The following TCF4 variants were observed in gnomAD, a reference collection of about 807,000 sequenced individuals.
The protein encoded by TCF4 is transcription factor 4.
Under a neutral mutation model 82.1 loss-of-function variants are expected in TCF4, and 3 were observed. That is an observed-to-expected ratio of 0.04 (90% confidence interval 0.02 to 0.09). The LOEUF is 0.09. TCF4 is among the 10% of genes least tolerant of loss of function. The pLI is 1.00. For synonymous variants in TCF4, 276 were observed against 309.6 expected (o/e 0.89, Z 1.14); for missense variants, 518 against 852.7 (o/e 0.61, Z 4.89).
Position 55,254,526 on chromosome 18 carries a change from G to C in TCF4, c.1321C>G (p.Leu441Val). Residue 441 changes from leucine (L) to valine (V), a missense_variant, in exon 15 of 20, where the codon CTT (leucine) becomes GTT (valine). This residue lies in a region of TCF4 where 144 missense variants were observed against 190.2 expected (regional missense o/e 0.76). Transcript: ENST00000354452. ...AGTGAATGTCTGTTGGCTGAAAGAA[G>C]GCCGGTTCCATACCCTGAGCCCAGA... is the stretch of plus-strand genomic sequence containing the variant. ...GGLGSGYGTGLLSANRHSLMV... is the reference protein window; with the variant it reads ...GGLGSGYGTGVLSANRHSLMV... The C allele has an allele frequency of 6.2e-7, 1 of 1,613,680 alleles. No homozygotes were observed. The highest frequency in any genetic ancestry group is 8.5e-7 in the Non-Finnish European group (1 of 1,179,798).
chr18:55,610,796 G>A lies in TCF4; in HGVS notation c.286+20502C>T, dbSNP rs572384021. On this transcript the variant is annotated intron_variant, in intron 2 of 20. Coordinates refer to the TCF4 transcript ENST00000398339. ...CTTGGCTCTGCCTTTTGTGACATTTGTTTTGCTTTGCAATTTCAACAGCAT... is the reference window on the plus strand; with the variant it reads ...CTTGGCTCTGCCTTTTGTGACATTTATTTTGCTTTGCAATTTCAACAGCAT... 9.9e-5 allele frequency among the ~76,000 whole-genome samples: 15 copies of A among 152,248 alleles called. No homozygotes were observed. In the South Asian group the frequency reaches 2.3e-3, roughly 23 times the overall value.
chr18:55,260,895 T>C (rs907596069), intron 12 of TCF4, among the ~76,000 whole-genome samples: 6 of 152,116 alleles, frequency 3.9e-5, no homozygotes, highest in Non-Finnish European at 7.4e-5. Context: ...TGTTTAGCTT[T>C]TGACTAAAAT....
intron 8 of TCF4, among the ~76,000 whole-genome samples, chr18:55,305,161 C>T (rs943988772): frequency 3.3e-5 from 5 of 152,130 alleles, no homozygotes; most frequent in Non-Finnish European, 7.3e-5. Flanking sequence ...ATGGAATTGT[C>T]GTCTTCCTCC....
chr18:55,523,705 G>T (rs1435464757), intron 3 of TCF4, among the ~76,000 whole-genome samples: 1 of 139,870 alleles, frequency 7.1e-6, no homozygotes, highest in Non-Finnish European at 1.5e-5. Flanking sequence ...CAATACAATC[G>T]ACTGTTACAG....
At chr18:55,309,878 T>C (rs1324189373) in intron 8 of TCF4, among the ~76,000 whole-genome samples, 2 of 152,186 alleles carry the variant, frequency 1.3e-5, no homozygotes, top group Admixed American at 1.3e-4. Flanking sequence ...CAATACTCCC[T>C]CAAATAGTTT....
At chr18:55,332,713 T>C (rs2077825128) in intron 8 of TCF4, among the ~76,000 whole-genome samples, 1 of 152,204 alleles carries the variant, frequency 6.6e-6, no homozygotes, top group African/African-American at 2.4e-5. Flanking sequence ...GCTATAAATA[T>C]TTGTGAATTT....
chr18:55,479,805 A>G (rs778917782), intron 3 of TCF4, among the ~76,000 whole-genome samples: 1 of 152,168 alleles, frequency 6.6e-6, no homozygotes, highest in Non-Finnish European at 1.5e-5. Context: ...TGTTCCAGCA[A>G]TTAGCATACC....
intron 15 of TCF4, among the ~76,000 whole-genome samples, chr18:55,249,862 G>A (rs2054484057): frequency 6.6e-6 from 1 of 152,102 alleles, no homozygotes; most frequent in Non-Finnish European, 1.5e-5. Flanking sequence ...TTTGTTCTTA[G>A]TCAGTTAAAA....
At chr18:55,519,726 C>T (rs764590987) in intron 3 of TCF4, among the ~76,000 whole-genome samples, 1 of 152,116 alleles carries the variant, frequency 6.6e-6, no homozygotes, top group Non-Finnish European at 1.5e-5. Flanking sequence ...CCTGCATTTC[C>T]CTGCTTAGCA....
intron 15 of TCF4, among the ~76,000 whole-genome samples, chr18:55,245,806 A>G (rs940104210): frequency 4.6e-5 from 7 of 152,162 alleles, no homozygotes; most frequent in African/African-American, 1.7e-4. Flanking sequence ...AGGTCATTTC[A>G]TAATTCTACC....
At chr18:55,287,945 G>GA (rs143674984) in intron 8 of TCF4, among the ~76,000 whole-genome samples, 4 of 151,478 alleles carry the variant, frequency 2.6e-5, no homozygotes, top group Non-Finnish European at 5.9e-5. Context: ...TTACAAGGGG[G>GA]AAAAAAAACC....
At position 55,588,162 on chromosome 18, in the gene TCF4, G is replaced by A; in HGVS notation, c.-145C>T. On this transcript the variant is annotated 5_prime_UTR_variant, in exon 1 of 20. Coordinates refer to ENST00000354452, the MANE Select transcript of TCF4 (RefSeq NM_001083962.2). ...CTCCCGCGCCTGCTGCCTCCCCGCCGCCGCCGCCGCCGCCGCCACTACAGA... is the reference window on the plus strand; with the variant it reads ...CTCCCGCGCCTGCTGCCTCCCCGCCACCGCCGCCGCCGCCGCCACTACAGA... 1.8e-6 allele frequency: 2 copies of A among 1,092,684 alleles called. No individual in the cohort carries two copies. The highest frequency in any genetic ancestry group is 2.2e-6 in the Non-Finnish European group (2 of 905,350). 67.7% of individuals were successfully genotyped at this position (1,092,684 alleles called of 1,614,324 possible). A position where few individuals can be genotyped will look rare whatever the true frequency, so the allele number is the denominator to read the frequency against.
At chr18:55,419,341 A>C (rs1438006564) in intron 5 of TCF4, among the ~76,000 whole-genome samples, 1 of 152,220 alleles carries the variant, frequency 6.6e-6, no homozygotes, top group African/African-American at 2.4e-5. Flanking sequence ...TTTACCAACA[A>C]AAAATCTACA....
intron 8 of TCF4, among the ~76,000 whole-genome samples, chr18:55,288,170 G>C (rs936804398): frequency 2.6e-5 from 4 of 152,140 alleles, no homozygotes; most frequent in African/African-American, 7.2e-5. Context: ...TAGAACATTT[G>C]AGATTTAAGC....
chr18:55,529,567 G>T (rs1255820989), intron 3 of TCF4, among the ~76,000 whole-genome samples: 1 of 152,126 alleles, frequency 6.6e-6, no homozygotes, highest in African/African-American at 2.4e-5. Flanking sequence ...AAATAAAAAG[G>T]AATGATACAG....
chr18:55,291,197 AT>A (rs1429351139), intron 8 of TCF4, among the ~76,000 whole-genome samples: 1 of 152,150 alleles, frequency 6.6e-6, no homozygotes, highest in African/African-American at 2.4e-5. Flanking sequence ...AGGTCTTTTC[AT>A]TTGAAATCCT....
At chr18:55,630,711 A>G (rs2097730748) in intron 2 of TCF4, among the ~76,000 whole-genome samples, 1 of 152,202 alleles carries the variant, frequency 6.6e-6, no homozygotes, top group Non-Finnish European at 1.5e-5. Context: ...AGGCTTTACC[A>G]AATAATCCAT....
chr18:55,517,492 T>C (rs73960131), intron 3 of TCF4, among the ~76,000 whole-genome samples: 4,596 of 152,224 alleles, frequency 0.03, 259 homozygotes, highest in African/African-American at 0.11. Flanking sequence ...ACATACAGAT[T>C]TGTGTGCCAA....
intron 3 of TCF4, among the ~76,000 whole-genome samples, chr18:55,511,500 C>T (rs2096828951): frequency 6.6e-6 from 1 of 152,006 alleles, no homozygotes; most frequent in Admixed American, 6.6e-5. Flanking sequence ...GCAAAAATGG[C>T]AACTTTTATT....
Sources: gnomAD v4.1 joint callset for allele counts (sites outside exome capture counted in the v4.1 genomes callset) on GRCh38, gnomAD v4.1.1 for gene constraint, gnomAD v4.1.1 regional missense constraint, MANE v1.5 for transcripts, NCBI Gene and HGNC (gene_info 2026-07-23, HGNC 2026-07-21) for gene names.